Variants in SRPK2 observed in about 807,000 individuals in gnomAD.
SRPK2 encodes SRSF protein kinase 2.
SRPK2 carries 21 observed loss-of-function variants against 90.8 expected under a neutral mutation model. The observed-to-expected ratio is 0.23, with a 90% CI of 0.16 to 0.33. SRPK2 has a LOEUF of 0.33. Among genes scored for constraint, SRPK2 ranks in the 10% least tolerant of loss-of-function variants. SRPK2 has a pLI of 1.00. For synonymous variants in SRPK2, 288 were observed against 311.1 expected (o/e 0.93, Z 0.78); for missense variants, 620 against 869.0 (o/e 0.71, Z 3.60).
chr7:105,278,034 C>T (rs1484603673), intron 2 of SRPK2, among the ~76,000 whole-genome samples: 4 of 152,134 alleles, frequency 2.6e-5, no homozygotes, highest in Non-Finnish European at 5.9e-5. Flanking sequence ...TTATTTGAGG[C>T]CAGGCGCGGT....
chr7:105,126,184 A>G (rs896079779), intron 15 of SRPK2, 64 bp downstream of exon 15: 1 of 1,313,448 alleles, frequency 7.6e-7, no homozygotes. Context: ...TTAATGCTAA[A>G]ATCAGCAGCT....
intron 2 of SRPK2, among the ~76,000 whole-genome samples, chr7:105,342,381 T>C (rs1215775233): frequency 2.0e-5 from 3 of 151,104 alleles, no homozygotes; most frequent in African/African-American, 7.3e-5. Context: ...AAAATATAAA[T>C]GGGAAATGTG....
intron 3 of SRPK2, among the ~76,000 whole-genome samples, chr7:105,178,523 T>C (rs1352363333): frequency 6.6e-6 from 1 of 152,120 alleles, no homozygotes; most frequent in Non-Finnish European, 1.5e-5. Flanking sequence ...CCTACTTATC[T>C]ACAACCTAAA....
intron 3 of SRPK2, among the ~76,000 whole-genome samples, chr7:105,203,337 A>C (rs1268903825): frequency 1.1e-4 from 17 of 152,186 alleles, no homozygotes; most frequent in Admixed American, 1.1e-3. Flanking sequence ...GTCCTGCTGT[A>C]TACTACCTTT....
intron 2 of SRPK2, among the ~76,000 whole-genome samples, chr7:105,321,527 GAA>G (rs1409572817): frequency 6.6e-6 from 1 of 152,004 alleles, no homozygotes; most frequent in Non-Finnish European, 1.5e-5. Context: ...TCAGGAAAAT[GAA>G]AAGACAACCT....
intron 2 of SRPK2, among the ~76,000 whole-genome samples, chr7:105,324,016 T>TGG (rs1453166643): frequency 9.4e-5 from 14 of 148,426 alleles, no homozygotes; most frequent in African/African-American, 1.8e-4. Flanking sequence ...TGTGTGTGTG[T>TGG]GGTGGAGTCT....
At chr7:105,178,489 T>C (rs1045891591) in intron 3 of SRPK2, among the ~76,000 whole-genome samples, 2 of 152,280 alleles carry the variant, frequency 1.3e-5, no homozygotes, top group South Asian at 4.1e-4. Context: ...CAAAGGCTAA[T>C]ATTCCAAAAG....
At chr7:105,364,405 G>GTTTT (rs71152964) in intron 2 of SRPK2, among the ~76,000 whole-genome samples, 5 of 133,906 alleles carry the variant, frequency 3.7e-5, no homozygotes, top group African/African-American at 1.4e-4. Flanking sequence ...CGTGTGTAAC[G>GTTTT]TTTTTTTTTT....
chr7:105,168,695 T>G (rs1298946111), intron 4 of SRPK2, among the ~76,000 whole-genome samples: 1 of 148,728 alleles, frequency 6.7e-6, no homozygotes, highest in Non-Finnish European at 1.5e-5. Flanking sequence ...TGAAAACCAT[T>G]CTCTTTTAAC....
intron 2 of SRPK2, among the ~76,000 whole-genome samples, chr7:105,235,150 T>C (rs1339400149): frequency 6.6e-6 from 1 of 152,230 alleles, no homozygotes; most frequent in Non-Finnish European, 1.5e-5. Flanking sequence ...CAGGGTAATG[T>C]AATTTTTTGG....
chr7:105,202,955 CCTCT>C (rs1376308212), intron 3 of SRPK2, among the ~76,000 whole-genome samples: 2 of 152,140 alleles, frequency 1.3e-5, no homozygotes, highest in South Asian at 2.1e-4. Context: ...TACACTTTCT[CCTCT>C]CTATGTTCTT....
chr7:105,282,466 AAACTT>A (rs1330022688), intron 2 of SRPK2, among the ~76,000 whole-genome samples: 1 of 152,244 alleles, frequency 6.6e-6, no homozygotes, highest in African/African-American at 2.4e-5. Context: ...ATAGATAAAT[AAACTT>A]AACATCATAA....
intron 2 of SRPK2, among the ~76,000 whole-genome samples, chr7:105,275,997 T>C (rs1407230625): frequency 6.6e-6 from 1 of 152,200 alleles, no homozygotes; most frequent in Non-Finnish European, 1.5e-5. Flanking sequence ...GCAAATTTAA[T>C]AAACTTCCTT....
chr7:105,170,895 GAAAGAAAGAAAGAAAGA>G (rs1790882124), intron 3 of SRPK2, among the ~76,000 whole-genome samples: 2 of 74,944 alleles, frequency 2.7e-5, no homozygotes, highest in Non-Finnish European at 5.9e-5. Flanking sequence ...AAGAAAGAAA[GAAAGAAAGAAAGAAAGA>G]AAGGAGAAAG....
intron 7 of SRPK2, among the ~76,000 whole-genome samples, chr7:105,159,511 C>A (rs1337596508): frequency 2.1e-5 from 3 of 141,624 alleles, no homozygotes; most frequent in Non-Finnish European, 4.6e-5. Flanking sequence ...CACAGGCAGG[C>A]TAAACAAAGT....
chr7:105,162,371 T>C (rs1807806962), intron 6 of SRPK2, among the ~76,000 whole-genome samples: 1 of 152,144 alleles, frequency 6.6e-6, no homozygotes, highest in African/African-American at 2.4e-5. Flanking sequence ...AAATAGGTAT[T>C]TCAGCCTTCA....
chr7:105,326,947 C>T (rs1468058581), intron 2 of SRPK2, among the ~76,000 whole-genome samples: 4 of 151,808 alleles, frequency 2.6e-5, no homozygotes, highest in Admixed American at 2.6e-4. Flanking sequence ...CCTGTAATCC[C>T]AGCTACTCAG....
At chr7:105,173,855 T>C (rs1283336788) in intron 3 of SRPK2, among the ~76,000 whole-genome samples, 1 of 151,890 alleles carries the variant, frequency 6.6e-6, no homozygotes, top group Non-Finnish European at 1.5e-5. Flanking sequence ...TGATAACACC[T>C]GTACACTTCA....
intron 14 of SRPK2, among the ~76,000 whole-genome samples, chr7:105,126,779 C>A (rs1481944285): frequency 6.6e-6 from 1 of 152,194 alleles, no homozygotes; most frequent in African/African-American, 2.4e-5. Flanking sequence ...TGGTGTAGGG[C>A]CCCTGAGGGC....
Sources: allele counts gnomAD v4.1 joint callset (sites outside exome capture counted in the v4.1 genomes callset), GRCh38; gene constraint gnomAD v4.1.1; transcripts MANE v1.5; gene names NCBI Gene and HGNC (gene_info 2026-07-23, HGNC 2026-07-21).